IGSF10: variants seen among roughly 807,000 people sequenced by gnomAD.
IGSF10 encodes the protein immunoglobulin superfamily member 10, also known as calvaria mechanical force protein 608.
Under a neutral mutation model 128.2 loss-of-function variants are expected in IGSF10, and 126 were observed. The observed-to-expected ratio is 0.98, with a 90% CI of 0.85 to 1.14. The LOEUF (loss-of-function observed/expected upper bound fraction) is 1.14. Among genes scored for constraint, IGSF10 ranks in the 50% most tolerant of loss-of-function variants. The pLI, the probability that IGSF10 is intolerant of heterozygous loss-of-function variation, is 0.00. For missense variants in IGSF10, 3,295 were observed against 3,149.8 expected (o/e 1.05, Z -1.10); for synonymous variants, 1,185 against 1,146.2 (o/e 1.03, Z -0.68).
chr3:151,524,031 C>T, the IGSF10 span, among the ~76,000 whole-genome samples: 1 of 152,056 alleles, frequency 6.6e-6, no homozygotes, highest in South Asian at 2.1e-4. Flanking sequence ...ATACAAGTGG[C>T]CAAGAAGCAT....
Position 151,436,737 on chromosome 3 carries a change from C to G in IGSF10, c.7824G>C (p.Lys2608Asn). 6.2e-7 allele frequency: 1 copy of G among 1,614,040 alleles called. No individual in the cohort carries two copies. Among genetic ancestry groups the G allele is most frequent in the Non-Finnish European group, 8.5e-7 (1 of 1,179,976 alleles). Residue 2608 changes from lysine (K) to asparagine (N), a missense_variant, in exon 8 of 8, where the codon AAG becomes AAC. Transcript: ENST00000282466. ...CTGCATAATCACTACCAAGTGGGTT[C>G]TTTGCTGTGCATTTGTATATCCCAG... is the stretch of plus-strand genomic sequence containing the variant. ...SDSGIYKCTA[K>N]NPLGSDYAAT...
chr3:151,555,642 T>C, the IGSF10 span, among the ~76,000 whole-genome samples: 9 of 152,286 alleles, frequency 5.9e-5, no homozygotes, highest in South Asian at 1.5e-3. Flanking sequence ...GAACAGGGCC[T>C]GTTTCAAAAG....
At chr3:151,575,147 C>T in the IGSF10 span, among the ~76,000 whole-genome samples, 3 of 152,200 alleles carry the variant, frequency 2.0e-5, no homozygotes, top group Non-Finnish European at 2.9e-5. Context: ...TATGAGGTGT[C>T]AGTCAGCCCC....
the IGSF10 span, among the ~76,000 whole-genome samples, chr3:151,582,335 T>G: frequency 6.9e-6 from 1 of 145,560 alleles, no homozygotes; most frequent in Non-Finnish European, 1.5e-5. Flanking sequence ...GAAAACCCAT[T>G]TAACTAATAC....
At chr3:151,504,889 C>T in the IGSF10 span, among the ~76,000 whole-genome samples, 1 of 152,212 alleles carries the variant, frequency 6.6e-6, no homozygotes, top group Non-Finnish European at 1.5e-5. Flanking sequence ...TTCCTCATCT[C>T]CATCTGAGAT....
At chr3:151,603,760 G>T in the IGSF10 span, among the ~76,000 whole-genome samples, 2 of 152,172 alleles carry the variant, frequency 1.3e-5, no homozygotes, top group African/African-American at 4.8e-5. Flanking sequence ...CTCATGATGT[G>T]GTTCTCATTC....
In IGSF10 at chr3:151,458,631, T is replaced by C. The variant is rs760024840; in HGVS notation, c.79A>G (p.Lys27Glu). Residue 27 changes from lysine to glutamate, a missense_variant, in exon 3 of 8, where the codon AAG (lysine) becomes GAG (glutamate). Transcript: ENST00000282466. ...VICLVATPGG[K>E]ACPRRCACYM... ...CAGGCACAGCGGCGAGGACAGGCCTTGCCCCCAGGGGTGGCGACCAGGCAG... is the reference window on the plus strand; with the variant it reads ...CAGGCACAGCGGCGAGGACAGGCCTCGCCCCCAGGGGTGGCGACCAGGCAG... 5.0e-6 allele frequency: 8 copies of C among 1,614,128 alleles called. No individual in the cohort carries two copies. The highest frequency in any genetic ancestry group is 6.8e-6 in the Non-Finnish European group (8 of 1,179,988).
the IGSF10 span, among the ~76,000 whole-genome samples, chr3:151,547,467 A>C: frequency 6.6e-6 from 1 of 150,898 alleles, no homozygotes; most frequent in African/African-American, 2.5e-5. Flanking sequence ...CACGTTATTC[A>C]AAACTAAACT....
chr3:151,437,946 C>T lies in IGSF10; in HGVS notation c.6615G>A (p.Leu2205=), dbSNP rs1403264138. 3.7e-6 allele frequency: 6 copies of T among 1,614,116 alleles called. No individual in the cohort carries two copies. Among genetic ancestry groups the T allele is most frequent in the Non-Finnish European group, 5.1e-6 (6 of 1,180,044 alleles). Residue 2205 remains leucine (L), a synonymous_variant, in exon 8 of 8, where the codon CTG becomes CTA. Transcript: ENST00000282466. ...CACATACGTACTCTCCAGAATCGAG[C>T]AGTTTCACTTTGTTGATGGTCAAAG... ...NGSLTINKVK[L]LDSGEYVCVA...
chr3:151,497,316 T>G, the IGSF10 span, among the ~76,000 whole-genome samples: 810 of 152,114 alleles, frequency 5.3e-3, 10 homozygotes, highest in African/African-American at 0.019. Context: ...TAGGTCTAAC[T>G]TTTAAGTCTT....
chr3:151,491,061 C>T, the IGSF10 span, among the ~76,000 whole-genome samples: 2 of 151,920 alleles, frequency 1.3e-5, no homozygotes, highest in African/African-American at 4.8e-5. Context: ...ATCAATAAAA[C>T]CAAGTTGATT....
intron 3 of IGSF10, 149 bp from the exon 4 acceptor site, chr3:151,457,304 AC>A: frequency 1.3e-6 from 1 of 741,356 alleles, no homozygotes; most frequent in Non-Finnish European, 2.1e-6. Context: ...ACTGAAATTC[AC>A]CAGATGCCAC....
At chr3:151,463,762 G>A (rs1266508064), upstream of IGSF10, among the ~76,000 whole-genome samples, 2 of 151,800 alleles carry the variant, frequency 1.3e-5, no homozygotes, top group African/African-American at 4.8e-5. Context: ...AAGGCGGGAG[G>A]ATCACCTGAG....
chr3:151,433,168 G>T (rs1302369112), downstream of IGSF10: 1 of 168,914 alleles, frequency 5.9e-6, no homozygotes, highest in Admixed American at 6.4e-5. Flanking sequence ...ATTCATTAAT[G>T]ATGACGTTGT....
Position 151,436,653 on chromosome 3 carries a change from A to G in IGSF10, c.*36T>C, listed in dbSNP as rs374459934. 5.5e-6 allele frequency: 8 copies of G among 1,445,448 alleles called. No homozygotes were observed. The highest frequency in any genetic ancestry group is 2.1e-4 in the Middle Eastern group (1 of 4,768). 89.5% of individuals were successfully genotyped at this position (1,445,448 alleles called of 1,614,324 possible). A position where few individuals can be genotyped will look rare whatever the true frequency, so the allele number is the denominator to read the frequency against. On this transcript the variant is annotated 3_prime_UTR_variant, in exon 8 of 8. Coordinates refer to ENST00000282466, the MANE Select transcript of IGSF10 (RefSeq NM_178822.5). ...TGATTAAACTTCTTCCAAAAAATAA[A>G]TTCTGCCCAGATGTTGTTGACTTTA...
the IGSF10 span, among the ~76,000 whole-genome samples, chr3:151,523,182 GA>G: frequency 6.6e-6 from 1 of 152,036 alleles, no homozygotes; most frequent in African/African-American, 2.4e-5. Flanking sequence ...CAAACTAATG[GA>G]AACACATCTC....
At chr3:151,501,537 C>T in the IGSF10 span, among the ~76,000 whole-genome samples, 1 of 152,020 alleles carries the variant, frequency 6.6e-6, no homozygotes, top group Non-Finnish European at 1.5e-5. Context: ...TGGATTCCTT[C>T]TAAGTGTTAG....
At chr3:151,484,821 G>A in the IGSF10 span, among the ~76,000 whole-genome samples, 1 of 151,728 alleles carries the variant, frequency 6.6e-6, no homozygotes, top group Non-Finnish European at 1.5e-5. Flanking sequence ...AAGACAAAAG[G>A]TAGATAATTC....
the IGSF10 span, among the ~76,000 whole-genome samples, chr3:151,587,718 G>A: frequency 6.6e-6 from 1 of 152,158 alleles, no homozygotes; most frequent in Admixed American, 6.5e-5. Context: ...ACATGTCATG[G>A]GAGTAACCCA....
Sources: gnomAD v4.1 joint callset for allele counts (sites outside exome capture counted in the v4.1 genomes callset) on GRCh38, gnomAD v4.1.1 for gene constraint, MANE v1.5 for transcripts, NCBI Gene and HGNC (gene_info 2026-07-23, HGNC 2026-07-21) for gene names.